The following ERMP1 variants were observed in gnomAD, a reference collection of about 807,000 sequenced individuals.
The protein encoded by ERMP1 is Felix-ina.
Under a neutral mutation model 92.0 loss-of-function variants are expected in ERMP1, and 86 were observed. The observed-to-expected ratio is 0.93, with a 90% confidence interval of 0.79 to 1.12. The LOEUF (loss-of-function observed/expected upper bound fraction) is 1.12, where lower values mean the gene tolerates loss of function less well. ERMP1 is among the 50% of genes most tolerant of loss of function. The probability of loss-of-function intolerance (pLI) is 0.00; values close to 1 mark genes in which losing one functional copy is unlikely to be tolerated. For missense variants in ERMP1, 1,342 were observed against 1,116.3 expected (o/e 1.20, Z -2.88); for synonymous variants, 530 against 412.8 (o/e 1.28, Z -3.44).
At chr9:5,856,750 T>C (rs1027974193) in intron 6 of ERMP1, among the ~76,000 whole-genome samples, 16 of 152,202 alleles carry the variant, frequency 1.1e-4, no homozygotes, top group African/African-American at 3.9e-4. Flanking sequence ...AATCAATACA[T>C]AACCTTGTTT....
intron 5 of ERMP1, chr9:5,812,633 C>T (rs1829139472): frequency 2.0e-6 from 1 of 510,840 alleles, no homozygotes; most frequent in East Asian, 3.6e-5. Context: ...CTATTACCAT[C>T]TTTTGGGAAT....
chr9:5,804,987 TA>T (rs751727147), intron 10 of ERMP1, 39 bp downstream of exon 10: 11 of 1,472,794 alleles, frequency 7.5e-6, no homozygotes, highest in African/African-American at 1.5e-5. Context: ...CATATTCATA[TA>T]AAAAATGAAG....
intron 4 of ERMP1, among the ~76,000 whole-genome samples, chr9:5,822,854 G>A (rs776934985): frequency 4.6e-5 from 7 of 152,186 alleles, no homozygotes; most frequent in Non-Finnish European, 8.8e-5. Flanking sequence ...TTGCATGTGT[G>A]AAAAATCAGA....
chr9:5,829,896 C>A (rs770193808), intron 2 of ERMP1, among the ~76,000 whole-genome samples: 9 of 152,192 alleles, frequency 5.9e-5, no homozygotes, highest in Non-Finnish European at 1.2e-4. Context: ...ATACAATTTT[C>A]TGAAAAATAA....
chr9:5,789,163 G>A (rs1455530520), intron 13 of ERMP1, among the ~76,000 whole-genome samples: 1 of 151,956 alleles, frequency 6.6e-6, no homozygotes, highest in Non-Finnish European at 1.5e-5. Context: ...CACATTGAAA[G>A]AGACTACCAG....
chr9:5,858,182 A>C (rs1435332658), intron 6 of ERMP1, among the ~76,000 whole-genome samples: 1 of 152,224 alleles, frequency 6.6e-6, no homozygotes, highest in Non-Finnish European at 1.5e-5. Flanking sequence ...TTCTGGAGGC[A>C]AGAAAGAGTA....
intron 4 of ERMP1, among the ~76,000 whole-genome samples, chr9:5,823,544 G>C (rs1225460364): frequency 1.3e-5 from 2 of 152,104 alleles, no homozygotes; most frequent in Non-Finnish European, 2.9e-5. Flanking sequence ...ATCACACTCT[G>C]CCATTAAACA....
intron 11 of ERMP1, among the ~76,000 whole-genome samples, chr9:5,799,584 A>T (rs1828590497): frequency 6.6e-6 from 1 of 152,090 alleles, no homozygotes; most frequent in Non-Finnish European, 1.5e-5. Flanking sequence ...CCAACAGGGC[A>T]AACTGTCCAC....
Position 5,805,065 on chromosome 9 carries a change from T to C in ERMP1, c.1876A>G (p.Ile626Val). 1.2e-6 allele frequency: 2 copies of C among 1,613,028 alleles called. No homozygotes were observed. Among genetic ancestry groups the C allele is most frequent in the Middle Eastern group, 1.6e-4 (1 of 6,062 alleles). The change falls in exon 10 of 15, where the codon ATT (isoleucine) becomes GTT (valine). Residue 626 changes from isoleucine to valine, a missense_variant. By Grantham distance (29) the Ile-to-Val change is conservative (BLOSUM62 3). Coordinates refer to ENST00000339450, the MANE Select transcript of ERMP1 (RefSeq NM_024896.3). Reference sequence around the variant, plus strand: ...AGAATCATTGTACAGCCAGCCAAAATGGATGCCAGCACAACATCAGGTGGG... The same window carrying C: ...AGAATCATTGTACAGCCAGCCAAAACGGATGCCAGCACAACATCAGGTGGG... ...EIPPDVVLAS[I>V]LAGCTMILSS...
intron 13 of ERMP1, among the ~76,000 whole-genome samples, chr9:5,796,817 A>G (rs1248389149): frequency 1.3e-5 from 2 of 152,118 alleles, no homozygotes; most frequent in Non-Finnish European, 2.9e-5. Flanking sequence ...GGCATCACAC[A>G]TTTTTCAATA....
In ERMP1 at chr9:5,817,216, C is replaced by A. The variant is rs57930588; in HGVS notation, c.875-4181G>T. Among the ~76,000 whole-genome samples, 1,373 of 149,048 alleles carry A rather than the reference C, an allele frequency of 9.2e-3. 30 individuals carry two copies. The highest frequency in any genetic ancestry group is 0.032 in the African/African-American group (1,303 of 40,310). ...CCCAGCCTTTTTTTTGAGACAGAGT[C>A]TCTCGCTCTGTCGTCCAGGCTGGAA... On this transcript the variant is annotated intron_variant, in intron 4 of 14. Coordinates refer to ENST00000339450, the MANE Select transcript of ERMP1 (RefSeq NM_024896.3).
At chr9:5,813,892 TTATAATTA>T (rs1323419830) in intron 4 of ERMP1, among the ~76,000 whole-genome samples, 1 of 148,490 alleles carries the variant, frequency 6.7e-6, no homozygotes, top group Non-Finnish European at 1.5e-5. Flanking sequence ...ATTTATATAA[TTATAATTA>T]TATAATTATA....
intron 13 of ERMP1, among the ~76,000 whole-genome samples, chr9:5,795,938 T>C (rs1021121729): frequency 6.6e-6 from 1 of 152,290 alleles, no homozygotes; most frequent in African/African-American, 2.4e-5. Flanking sequence ...CTGTAGACCA[T>C]CAATGAACAA....
chr9:5,862,535 G>A (rs747882365), intron 5 of ERMP1, among the ~76,000 whole-genome samples: 6 of 151,708 alleles, frequency 4.0e-5, no homozygotes, highest in Non-Finnish European at 7.4e-5. Context: ...TTTTTGTAGA[G>A]ATGGAGTCTC....
intron 13 of ERMP1, among the ~76,000 whole-genome samples, chr9:5,796,433 A>G (rs954255004): frequency 6.6e-6 from 1 of 152,080 alleles, no homozygotes; most frequent in Admixed American, 6.6e-5. Flanking sequence ...CAGCAATCAC[A>G]CTCCTAAGCA....
intron 4 of ERMP1, among the ~76,000 whole-genome samples, chr9:5,814,994 T>C (rs1374859045): frequency 6.6e-6 from 1 of 151,970 alleles, no homozygotes; most frequent in Non-Finnish European, 1.5e-5. Flanking sequence ...CAAAGTTTAA[T>C]ACAGCAGAAG....
At chr9:5,858,282 A>G (rs1291368332) in intron 6 of ERMP1, among the ~76,000 whole-genome samples, 4 of 152,192 alleles carry the variant, frequency 2.6e-5, no homozygotes, top group Admixed American at 6.5e-5. Context: ...CAAAAATATG[A>G]TTATATTACT....
intron 13 of ERMP1, among the ~76,000 whole-genome samples, chr9:5,789,103 A>C (rs1828063578): frequency 6.6e-6 from 1 of 152,194 alleles, no homozygotes; most frequent in Non-Finnish European, 1.5e-5. Context: ...CTAATATTTA[A>C]AACTGTAATC....
At chr9:5,797,980 G>T (rs775841720) in intron 12 of ERMP1, 48 bp from the exon 13 acceptor site, 2 of 1,143,528 alleles carry the variant, frequency 1.7e-6, no homozygotes, top group Non-Finnish European at 2.7e-6. Flanking sequence ...TTATTTGATG[G>T]CTATCTGTAA....
Sources: allele counts gnomAD v4.1 joint callset (sites outside exome capture counted in the v4.1 genomes callset), GRCh38; gene constraint gnomAD v4.1.1; transcripts MANE v1.5; gene names NCBI Gene and HGNC (gene_info 2026-07-23, HGNC 2026-07-21).